Variants in NCKAP5 observed in about 807,000 individuals in gnomAD.
NCKAP5 encodes the protein nck-associated protein 5.
A neutral mutation model predicts 167.0 loss-of-function variants in NCKAP5; 92 were observed. That is an observed-to-expected ratio of 0.55 (90% CI 0.47 to 0.66). The LOEUF (loss-of-function observed/expected upper bound fraction) is 0.66. Ranked by LOEUF, NCKAP5 falls within the 30% of genes least tolerant of loss-of-function variation. The pLI is 0.00. For missense variants in NCKAP5, 2,378 were observed against 2,315.0 expected (o/e 1.03, Z -0.56); for synonymous variants, 891 against 877.4 (o/e 1.02, Z -0.27).
chr2:133,609,448 T>A, the NCKAP5 span, among the ~76,000 whole-genome samples: 1 of 152,184 alleles, frequency 6.6e-6, no homozygotes, highest in African/African-American at 2.4e-5. Flanking sequence ...ATTCCTGGCA[T>A]TTTTTCTTCT....
intron 10 of NCKAP5, 34 bp from the exon 11 acceptor site, chr2:132,860,645 A>G (rs1410523460): frequency 1.9e-6 from 3 of 1,549,974 alleles, no homozygotes; most frequent in Non-Finnish European, 2.6e-6. Flanking sequence ...GAAAAAGTCC[A>G]TAACTGAAAG....
intron 11 of NCKAP5, among the ~76,000 whole-genome samples, chr2:132,808,111 T>G (rs1348939651): frequency 6.6e-6 from 1 of 152,156 alleles, no homozygotes; most frequent in Non-Finnish European, 1.5e-5. Flanking sequence ...GAAACCCACT[T>G]GATCATGGTG....
At chr2:133,092,828 C>G (rs1181434669) in intron 6 of NCKAP5, among the ~76,000 whole-genome samples, 1 of 152,170 alleles carries the variant, frequency 6.6e-6, no homozygotes, top group African/African-American at 2.4e-5. Context: ...TCCTTTCAAT[C>G]AGTTCCAGCC....
intron 3 of NCKAP5, among the ~76,000 whole-genome samples, chr2:133,339,243 A>G (rs1158622266): frequency 6.6e-6 from 1 of 152,204 alleles, no homozygotes; most frequent in African/African-American, 2.4e-5. Context: ...AATGTGTCAG[A>G]AGAAAGAATC....
intron 16 of NCKAP5, among the ~76,000 whole-genome samples, chr2:132,756,676 A>G (rs1680583032): frequency 6.6e-6 from 1 of 152,170 alleles, no homozygotes; most frequent in Non-Finnish European, 1.5e-5. Flanking sequence ...AATTATAGAT[A>G]AATACTTTGA....
intron 4 of NCKAP5, among the ~76,000 whole-genome samples, chr2:133,298,462 A>G (rs776127836): frequency 2.1e-4 from 32 of 152,340 alleles, no homozygotes; most frequent in Non-Finnish European, 4.4e-4. Flanking sequence ...CTCTCACTTT[A>G]TGTTAACTCC....
intron 16 of NCKAP5, among the ~76,000 whole-genome samples, chr2:132,758,280 A>G (rs1397248087): frequency 6.6e-6 from 1 of 152,192 alleles, no homozygotes. Context: ...GCGGTTTTTC[A>G]TTAAGTACCT....
the NCKAP5 span, among the ~76,000 whole-genome samples, chr2:133,658,436 C>T: frequency 1.3e-5 from 2 of 152,056 alleles, no homozygotes; most frequent in African/African-American, 4.8e-5. Context: ...AAAATGAAGG[C>T]AATTTGGCTC....
chr2:133,641,282 T>G, the NCKAP5 span, among the ~76,000 whole-genome samples: 2 of 152,232 alleles, frequency 1.3e-5, no homozygotes, highest in Non-Finnish European at 2.9e-5. Flanking sequence ...TATTCTTCCT[T>G]CAGGCAATAA....
At chr2:133,586,118 C>A in the NCKAP5 span, among the ~76,000 whole-genome samples, 1 of 152,098 alleles carries the variant, frequency 6.6e-6, no homozygotes, top group Non-Finnish European at 1.5e-5. Flanking sequence ...CTGGGGTTTT[C>A]AATAGTAAAA....
At chr2:132,790,780 T>C (rs1684004812) in intron 12 of NCKAP5, among the ~76,000 whole-genome samples, 1 of 152,182 alleles carries the variant, frequency 6.6e-6, no homozygotes, top group Non-Finnish European at 1.5e-5. Flanking sequence ...TATAGGGTTA[T>C]TGCAAGCACT....
chr2:133,546,758 A>G (rs2104918906), intron 2 of NCKAP5, among the ~76,000 whole-genome samples: 1 of 152,368 alleles, frequency 6.6e-6, no homozygotes, highest in Middle Eastern at 3.4e-3. Context: ...AGACATAATG[A>G]GCCCTCCCAT....
chr2:132,928,397 G>A (rs955407387), intron 8 of NCKAP5, among the ~76,000 whole-genome samples: 2 of 152,150 alleles, frequency 1.3e-5, no homozygotes, highest in Non-Finnish European at 2.9e-5. Context: ...ATTAATTGAT[G>A]AGGTTTCCTT....
intron 7 of NCKAP5, among the ~76,000 whole-genome samples, chr2:132,982,249 A>G (rs1370479192): frequency 6.6e-6 from 1 of 152,222 alleles, no homozygotes; most frequent in African/African-American, 2.4e-5. Context: ...CTAAGGAACC[A>G]CTGGGAAAAC....
chr2:132,821,378 ACTCCCAG>A (rs1469981311), intron 11 of NCKAP5, among the ~76,000 whole-genome samples: 1 of 151,176 alleles, frequency 6.6e-6, no homozygotes, highest in Non-Finnish European at 1.5e-5. Flanking sequence ...CCTTGAACGC[ACTCCCAG>A]CTTCTAGCTT....
At position 133,344,987 on chromosome 2, in the gene NCKAP5, C is replaced by T. The variant is rs190653053; in HGVS notation, c.70-41877G>A. Among the ~76,000 whole-genome samples the T allele has an allele frequency of 6.0e-3, 907 of 152,204 alleles. 8 individuals carry two copies. The highest frequency in any genetic ancestry group is 0.01 in the Middle Eastern group (3 of 294). On this transcript the variant is annotated intron_variant, in intron 3 of 19. Transcript: ENST00000409261. ...GTCATCCAAATATCGATTTCAGTGACTATGCCCTCAGTGCGTCATTTGAGA... is the reference window on the plus strand; with the variant it reads ...GTCATCCAAATATCGATTTCAGTGATTATGCCCTCAGTGCGTCATTTGAGA...
At chr2:132,868,607 A>T (rs1179914092) in intron 10 of NCKAP5, among the ~76,000 whole-genome samples, 1 of 152,040 alleles carries the variant, frequency 6.6e-6, no homozygotes, top group African/African-American at 2.4e-5. Flanking sequence ...AAAAGAAGAT[A>T]CTCGTTTTAT....
chr2:133,102,744 AACACACACACACACACACAC>A (rs3051212), intron 6 of NCKAP5, among the ~76,000 whole-genome samples: 15 of 135,216 alleles, frequency 1.1e-4, no homozygotes, highest in African/African-American at 3.5e-4. Context: ...CAAGCATGTA[AACACACACACACACACACAC>A]ACACACACAC....
chr2:133,236,276 A>G (rs1324016021), intron 4 of NCKAP5, among the ~76,000 whole-genome samples: 1 of 152,150 alleles, frequency 6.6e-6, no homozygotes, highest in East Asian at 1.9e-4. Context: ...CTAAAAAACC[A>G]GAGCCAGAGG....
Sources: allele counts gnomAD v4.1 joint callset (sites outside exome capture counted in the v4.1 genomes callset), GRCh38; gene constraint gnomAD v4.1.1; transcripts MANE v1.5; gene names NCBI Gene and HGNC (gene_info 2026-07-23, HGNC 2026-07-21).